The following CCDC13 variants were observed in gnomAD, a reference collection of about 807,000 sequenced individuals.
CCDC13 encodes the protein coiled-coil domain containing 13.
In CCDC13, 70 loss-of-function variants were observed where a neutral mutation model predicts 87.3. That is an observed-to-expected ratio of 0.80 (90% confidence interval 0.66 to 0.98). The LOEUF is 0.98. CCDC13 is among the 50% of genes least tolerant of loss of function. CCDC13 has a pLI of 0.00. For synonymous variants in CCDC13, 317 were observed against 360.3 expected, an observed-to-expected ratio of 0.88 and a Z score of 1.36; for missense variants, 842 against 892.0, an observed-to-expected ratio of 0.94 and a Z score of 0.71.
At chr3:42,742,226 A>G (rs1699244064) in intron 8 of CCDC13, among the ~76,000 whole-genome samples, 1 of 152,220 alleles carries the variant, frequency 6.6e-6, no homozygotes, top group Non-Finnish European at 1.5e-5. Flanking sequence ...CCCAGGCTAG[A>G]CCAAAGACAC....
chr3:42,770,609 C>T (rs1278894803), intron 1 of CCDC13: 4 of 152,302 alleles, frequency 2.6e-5, no homozygotes, highest in Non-Finnish European at 5.9e-5. Context: ...TGGCAACCTG[C>T]TGAGGTCCCC....
rs745634076 is a variant in CCDC13, at chr3:42,743,076, G to A, written c.826-19C>T. ...CTTGAACCTGAGGATGGTAAAACTCGTCGTTCCACAATGGGTCTTCTGCCA... is the reference window on the plus strand; with the variant it reads ...CTTGAACCTGAGGATGGTAAAACTCATCGTTCCACAATGGGTCTTCTGCCA... On this transcript the variant is annotated intron_variant, in intron 7 of 15. Coordinates refer to ENST00000310232, the MANE Select transcript of CCDC13 (RefSeq NM_144719.4). 2.2e-5 allele frequency: 35 copies of A among 1,613,166 alleles called. No homozygotes were observed. Among genetic ancestry groups the A allele is most frequent in the Admixed American group, 1.7e-4 (10 of 59,946 alleles).
At chr3:42,759,539 A>G (rs540881507) in intron 1 of CCDC13, among the ~76,000 whole-genome samples, 28 of 152,190 alleles carry the variant, frequency 1.8e-4, no homozygotes, top group Admixed American at 1.5e-3. Flanking sequence ...AACTAGAATC[A>G]TACAGTCGTT....
chr3:42,737,479 G>A lies in CCDC13; in HGVS notation c.1165-1566C>T, dbSNP rs184291981. Among the ~76,000 whole-genome samples, 494 of 152,348 alleles carry A rather than the reference G, an allele frequency of 3.2e-3. 3 individuals carry two copies. The highest frequency in any genetic ancestry group is 0.011 in the African/African-American group (460 of 41,572). On this transcript the variant is annotated intron_variant, in intron 9 of 15. Transcript: ENST00000310232. ...GTATTTCTAGTTCTAGATCCTTGAG[G>A]AATCGCCACACTGTCTTCCACAATG...
intron 2 of CCDC13, among the ~76,000 whole-genome samples, chr3:42,757,696 T>A (rs1338638219): frequency 7.9e-5 from 12 of 152,054 alleles, no homozygotes. Flanking sequence ...CGGGTGACAG[T>A]ACAAGACTCT....
chr3:42,730,566 T>G lies in CCDC13; in HGVS notation c.1619A>C (p.Lys540Thr), dbSNP rs1698801707. The change falls in exon 13 of 16, where the codon AAA (lysine) becomes ACA (threonine). Residue 540 changes from lysine to threonine, a missense_variant. Physicochemically the swap from Lys to Thr is moderately conservative, Grantham distance 78. Transcript: ENST00000310232. ...SPRFSDSPEQ[K>T]GWQAQVSEIK... Reference sequence around the variant, plus strand: ...CTCTGACACTTGTGCCTGCCAGCCTTTTTGTTCTGGGGAGTCCGAGAACCT... The same window carrying G: ...CTCTGACACTTGTGCCTGCCAGCCTGTTTGTTCTGGGGAGTCCGAGAACCT... The G allele has an allele frequency of 6.2e-7, 1 of 1,614,038 alleles. No individual in the cohort carries two copies. The highest frequency in any genetic ancestry group is 8.5e-7 in the Non-Finnish European group (1 of 1,179,958).
intron 3 of CCDC13, among the ~76,000 whole-genome samples, chr3:42,754,703 C>T (rs550904769): frequency 4.6e-5 from 7 of 152,280 alleles, no homozygotes; most frequent in South Asian, 4.1e-4. Context: ...TCCAGTGGTA[C>T]GTTTCCTCCC....
At chr3:42,752,995 C>T (rs1302994353) in intron 3 of CCDC13, among the ~76,000 whole-genome samples, 3 of 152,140 alleles carry the variant, frequency 2.0e-5, no homozygotes, top group African/African-American at 4.8e-5. Context: ...TTTATCACTC[C>T]GATGCTTCAT....
intron 3 of CCDC13, among the ~76,000 whole-genome samples, chr3:42,756,819 C>T (rs980421285): frequency 3.9e-5 from 6 of 152,176 alleles, no homozygotes; most frequent in African/African-American, 1.4e-4. Flanking sequence ...TGCTTGCCTG[C>T]TGGCCCTTCT....
At chr3:42,719,586 G>T (rs1698513147) in intron 13 of CCDC13, 1 of 151,352 alleles carries the variant, frequency 6.6e-6, no homozygotes, top group African/African-American at 2.4e-5. Context: ...ATGGAACACA[G>T]GCTTAGGACA....
At chr3:42,722,791 CTT>C (rs956889825) in intron 13 of CCDC13, among the ~76,000 whole-genome samples, 403 of 109,060 alleles carry the variant, frequency 3.7e-3, no homozygotes, top group African/African-American at 0.014. Context: ...TATTCCTTTA[CTT>C]TTTTTTTTTT....
At chr3:42,737,864 T>A (rs954817316) in intron 9 of CCDC13, among the ~76,000 whole-genome samples, 1 of 152,240 alleles carries the variant, frequency 6.6e-6, no homozygotes, top group African/African-American at 2.4e-5. Flanking sequence ...TTAGGTTGCC[T>A]GTTCACTCTG....
At chr3:42,750,974 T>TA (rs35293369) in intron 5 of CCDC13, among the ~76,000 whole-genome samples, 39,406 of 152,070 alleles carry the variant, frequency 0.26, 5,478 homozygotes, top group East Asian at 0.51. Context: ...GCCCCTCTTC[T>TA]ACTTCCCCAG....
rs1698188501 is a variant in CCDC13 at position 42,706,709 on chromosome 3, A to G, written c.*2271T>C. On this transcript the variant is annotated 3_prime_UTR_variant, in exon 16 of 16. Transcript: ENST00000310232. The stretch of plus-strand genomic sequence containing the variant: ...TTTTTCTTTCCCCTCTCTCTTATAT[A>G]ACTCTTGTTGAAATCAGTCTATAGA... 6.6e-6 allele frequency: 1 copy of G among 152,244 alleles called. No individual in the cohort carries two copies. Among genetic ancestry groups the G allele is most frequent in the African/African-American group, 2.4e-5 (1 of 41,456 alleles). 9.4% of individuals were successfully genotyped at this position (152,244 alleles called of 1,614,324 possible). A position where few individuals can be genotyped will look rare whatever the true frequency, so the allele number is the denominator to read the frequency against.
intron 13 of CCDC13, among the ~76,000 whole-genome samples, chr3:42,720,982 T>TCC (rs1698547245): frequency 6.6e-6 from 1 of 152,226 alleles, no homozygotes; most frequent in Admixed American, 6.5e-5. Flanking sequence ...TTGACATCAA[T>TCC]AACGCACTAA....
chr3:42,708,943 G>A lies in CCDC13; in HGVS notation c.*37C>T. ...GAGTCTTATCCTCTCAAGACCTGAG[G>A]CTGCCCACCCGGCCAGGCCGACACT... On this transcript the variant is annotated 3_prime_UTR_variant, in exon 16 of 16. Transcript: ENST00000310232. 6.3e-7 allele frequency: 1 copy of A among 1,583,654 alleles called. No individual in the cohort carries two copies. Among genetic ancestry groups the A allele is most frequent in the East Asian group, 2.3e-5 (1 of 44,212 alleles).
At chr3:42,755,711 G>C (rs1049538021) in intron 3 of CCDC13, among the ~76,000 whole-genome samples, 2 of 152,256 alleles carry the variant, frequency 1.3e-5, no homozygotes, top group Non-Finnish European at 2.9e-5. Flanking sequence ...CTGGATTTAA[G>C]TGGTTTTCAG....
chr3:42,759,487 G>T (rs547549927), intron 1 of CCDC13, among the ~76,000 whole-genome samples: 6 of 152,264 alleles, frequency 3.9e-5, no homozygotes, highest in African/African-American at 1.4e-4. Context: ...ACTCTGGTCT[G>T]CTTTTGTTCA....
intron 5 of CCDC13, among the ~76,000 whole-genome samples, chr3:42,748,616 T>C (rs1403722772): frequency 6.6e-6 from 1 of 152,208 alleles, no homozygotes; most frequent in African/African-American, 2.4e-5. Flanking sequence ...CCAGAGGCTC[T>C]GGGCAGCCCA....
Sources: allele counts gnomAD v4.1 joint callset (sites outside exome capture counted in the v4.1 genomes callset), GRCh38; gene constraint gnomAD v4.1.1; transcripts MANE v1.5; gene names NCBI Gene and HGNC (gene_info 2026-07-23, HGNC 2026-07-21).